TEAD4: variants seen among roughly 807,000 people sequenced by gnomAD.
TEAD4 encodes the protein transcriptional enhancer factor TEF-3.
A neutral mutation model predicts 52.4 loss-of-function variants in TEAD4; 36 were observed. The ratio of observed to expected loss-of-function variants is 0.69; its 90% CI spans 0.53 to 0.91. TEAD4 has a LOEUF of 0.91. Among genes scored for constraint, TEAD4 ranks in the 40% least tolerant of loss-of-function variants. The pLI, the probability that TEAD4 is intolerant of heterozygous loss-of-function variation, is 0.00. For missense variants in TEAD4, 508 were observed against 583.9 expected, an observed-to-expected ratio of 0.87 and a Z score of 1.34; for synonymous variants, 220 against 231.0, an observed-to-expected ratio of 0.95 and a Z score of 0.43.
At chr12:3,012,260 AGTGGCCAGGAGTG>A in intron 5 of TEAD4, 28 bp downstream of exon 5, 1 of 1,611,178 alleles carries the variant, frequency 6.2e-7, no homozygotes, top group African/African-American at 1.3e-5. Flanking sequence ...GGGGTGCTGG[AGTGGCCAGGAGTG>A]GTGGCCAGCA....
intron 2 of TEAD4, among the ~76,000 whole-genome samples, chr12:2,962,712 C>T (rs553082050): frequency 5.9e-5 from 9 of 152,238 alleles, no homozygotes; most frequent in East Asian, 1.9e-4. Flanking sequence ...TCAGGTGATC[C>T]GCCTCGGCCT....
At chr12:2,964,868 C>T (rs1001022095) in intron 2 of TEAD4, among the ~76,000 whole-genome samples, 10 of 152,002 alleles carry the variant, frequency 6.6e-5, no homozygotes, top group African/African-American at 2.2e-4. Flanking sequence ...TTGTAAGGGT[C>T]GACCAGACTT....
intron 2 of TEAD4, among the ~76,000 whole-genome samples, chr12:2,968,189 C>T (rs1230188349): frequency 1.4e-5 from 2 of 145,680 alleles, no homozygotes; most frequent in South Asian, 2.3e-4. Context: ...CGGGTTCAAG[C>T]GATTCTCCTG....
chr12:3,007,111 G>A (rs1375314365), intron 3 of TEAD4, among the ~76,000 whole-genome samples: 2 of 152,186 alleles, frequency 1.3e-5, no homozygotes, highest in Non-Finnish European at 2.9e-5. Flanking sequence ...CCTCTCGCCG[G>A]GGGCTGAGAC....
intron 2 of TEAD4, among the ~76,000 whole-genome samples, chr12:2,985,437 G>C (rs897529181): frequency 1.3e-5 from 2 of 150,632 alleles, no homozygotes; most frequent in Admixed American, 6.6e-5. Flanking sequence ...ACATCGTACA[G>C]CTGTACAAAA....
In TEAD4 at chr12:2,961,881, C is replaced by T. The variant is rs2098215638; in HGVS notation, c.-30+1841C>T. Among the ~76,000 whole-genome samples, 3 of 152,034 alleles carry T rather than the reference C, an allele frequency of 2.0e-5. No homozygotes were observed. In the South Asian group the frequency reaches 6.2e-4, roughly 32 times the overall value. On this transcript the variant is annotated intron_variant, in intron 2 of 12. Transcript: ENST00000359864. ...GTTTATTTAGCAAACATGAATCGAG[C>T]ATTTACTGTGAGCCAGGCCCTACGC...
chr12:2,985,528 C>T lies in TEAD4; in HGVS notation c.-29-9210C>T, dbSNP rs142207163. On this transcript the variant is annotated intron_variant, in intron 2 of 12. Transcript: ENST00000359864. ...TTTTTTTTTTTTTTTTTTTTTGAGA[C>T]GGAGTCTCATTCTGTCCCCCAGGCT... is the stretch of plus-strand genomic sequence containing the variant. 5.5e-3 allele frequency among the ~76,000 whole-genome samples: 448 copies of T among 80,788 alleles called. 7 individuals carry two copies. The highest frequency in any genetic ancestry group is 0.02 in the African/African-American group (413 of 20,610). The allele number at this position is 80,788 out of a possible 152,430, so 53.0% of individuals were successfully genotyped here. A position where few individuals can be genotyped will look rare whatever the true frequency, so the allele number is the denominator to read the frequency against.
At chr12:2,974,814 G>T (rs2098228148) in intron 2 of TEAD4, among the ~76,000 whole-genome samples, 1 of 152,138 alleles carries the variant, frequency 6.6e-6, no homozygotes, top group South Asian at 2.1e-4. Flanking sequence ...GGATCCTCCT[G>T]CCTGACTTTG....
intron 2 of TEAD4, among the ~76,000 whole-genome samples, chr12:2,966,437 G>A (rs1197544947): frequency 2.7e-5 from 4 of 149,986 alleles, no homozygotes; most frequent in East Asian, 1.9e-4. Flanking sequence ...TTTTGAGATG[G>A]GTCTTGCTCT....
In TEAD4 at chr12:2,968,792, G is replaced by C. The variant is rs530478643; in HGVS notation, c.-30+8752G>C. On this transcript the variant is annotated intron_variant, in intron 2 of 12. Transcript: ENST00000359864. ...GTCTCCCAAGTAGCTGGGATGACAGGTTTGTGCCACCATGCCCTGCCAATT... is the reference window on the plus strand; with the variant it reads ...GTCTCCCAAGTAGCTGGGATGACAGCTTTGTGCCACCATGCCCTGCCAATT... 2.6e-5 allele frequency among the ~76,000 whole-genome samples: 4 copies of C among 152,130 alleles called. No individual in the cohort carries two copies. The South Asian group carries it at 8.3e-4, about 32-fold the overall frequency.
chr12:3,020,792 C>A lies in TEAD4; in HGVS notation c.723+19C>A. 6.5e-7 allele frequency: 1 copy of A among 1,545,064 alleles called. No individual in the cohort carries two copies. The highest frequency in any genetic ancestry group is 8.7e-7 in the Non-Finnish European group (1 of 1,143,024). On this transcript the variant is annotated intron_variant, in intron 9 of 12. Transcript: ENST00000359864. ...GGACACGGTAGGTCCTGGCCTCTGC[C>A]TGTCCAGCTCCCTGGTCACCCCCTC...
chr12:2,960,264 G>C (rs1424525811), intron 2 of TEAD4: 3 of 985,038 alleles, frequency 3.0e-6, no homozygotes, highest in Non-Finnish European at 3.6e-6. Context: ...CGGAGAGGCA[G>C]AACCGAGAGC....
At chr12:3,024,292 G>T (rs1295131935) in intron 10 of TEAD4, among the ~76,000 whole-genome samples, 2 of 152,082 alleles carry the variant, frequency 1.3e-5, no homozygotes, top group Non-Finnish European at 2.9e-5. Context: ...TAGCCAGGAT[G>T]GTCTCGATCT....
At position 3,020,725 on chromosome 12, in the gene TEAD4, G is replaced by T. The variant is rs1206572490; in HGVS notation, c.675G>T (p.Trp225Cys). 1.2e-6 allele frequency: 2 copies of T among 1,609,092 alleles called. No homozygotes were observed. Among genetic ancestry groups the T allele is most frequent in the East Asian group, 2.2e-5 (1 of 44,578 alleles). ...GCAGCGTGGCCAGCTCCAAGCTCTG[G>T]ATGTTGGAGTTCTCTGCCTTCCTGG... The change falls in exon 9 of 13, where the codon TGG becomes TGT. Residue 225 changes from tryptophan to cysteine, a missense_variant. By Grantham distance (215) the Trp-to-Cys change is radical (BLOSUM62 -2). Transcript: ENST00000359864.
chr12:3,001,818 A>C (rs976935082), intron 3 of TEAD4, among the ~76,000 whole-genome samples: 15 of 148,056 alleles, frequency 1.0e-4, no homozygotes, highest in African/African-American at 3.8e-4. Context: ...GTGATGGCTC[A>C]TGTGGCTTAT....
chr12:2,995,551 C>A (rs1050108594), intron 3 of TEAD4, among the ~76,000 whole-genome samples: 9 of 152,050 alleles, frequency 5.9e-5, no homozygotes, highest in Non-Finnish European at 1.0e-4. Flanking sequence ...TAGGAAAGGC[C>A]CCCCCCAACC....
intron 2 of TEAD4, among the ~76,000 whole-genome samples, chr12:2,985,659 T>C (rs983054161): frequency 2.0e-5 from 3 of 151,278 alleles, no homozygotes; most frequent in African/African-American, 4.8e-5. Flanking sequence ...GTGCGCACCA[T>C]CATGCCTGGC....
At chr12:3,019,450 T>A (rs549638849) in intron 8 of TEAD4, among the ~76,000 whole-genome samples, 2 of 152,344 alleles carry the variant, frequency 1.3e-5, no homozygotes, top group South Asian at 4.1e-4. Flanking sequence ...CCAAGGGCAG[T>A]GCCCGTGCCC....
chr12:2,980,365 C>T (rs980550861), intron 2 of TEAD4, among the ~76,000 whole-genome samples: 1 of 152,188 alleles, frequency 6.6e-6, no homozygotes, highest in Non-Finnish European at 1.5e-5. Context: ...CCCCTCCCTC[C>T]AACTCTGCAC....
Sources: gnomAD v4.1 joint callset for allele counts (sites outside exome capture counted in the v4.1 genomes callset) on GRCh38, gnomAD v4.1.1 for gene constraint, MANE v1.5 for transcripts, NCBI Gene and HGNC (gene_info 2026-07-23, HGNC 2026-07-21) for gene names.